NALCN: variants seen among roughly 807,000 people sequenced by gnomAD.
The protein encoded by NALCN is sodium leak channel, non-selective, also known as sodium leak channel NALCN.
A neutral mutation model predicts 225.3 loss-of-function variants in NALCN; 111 were observed. That is an observed-to-expected ratio of 0.49 (90% CI 0.42 to 0.58). The LOEUF (loss-of-function observed/expected upper bound fraction) is 0.58, where lower values mean the gene tolerates loss of function less well. Among genes scored for constraint, NALCN ranks in the 20% least tolerant of loss-of-function variants. The probability of loss-of-function intolerance (pLI) is 0.00; values close to 1 mark genes in which losing one functional copy is unlikely to be tolerated. For missense variants in NALCN, 1,378 were observed against 2,202.4 expected (o/e 0.63, Z 7.49); for synonymous variants, 764 against 769.0 (o/e 0.99, Z 0.11).
At chr13:101,395,818 G>T (rs1365697323) in intron 2 of NALCN, among the ~76,000 whole-genome samples, 1 of 151,980 alleles carries the variant, frequency 6.6e-6, no homozygotes, top group African/African-American at 2.4e-5. Flanking sequence ...AGAATTAGGG[G>T]CATACTATAT....
At chr13:101,187,187 G>A (rs1321241643) in intron 14 of NALCN, among the ~76,000 whole-genome samples, 1 of 152,040 alleles carries the variant, frequency 6.6e-6, no homozygotes, top group African/African-American at 2.4e-5. Context: ...TTTTATTACA[G>A]TATATTGTCA....
intron 10 of NALCN, among the ~76,000 whole-genome samples, chr13:101,272,641 T>A (rs375637618): frequency 9.9e-5 from 15 of 152,124 alleles, no homozygotes; most frequent in Admixed American, 7.9e-4. Context: ...TGAAGAAGGA[T>A]CAGATTGAAT....
chr13:101,252,868 T>C (rs191505770), intron 11 of NALCN, among the ~76,000 whole-genome samples: 90 of 150,644 alleles, frequency 6.0e-4, no homozygotes, highest in Non-Finnish European at 9.8e-4. Flanking sequence ...CATCTGTTTG[T>C]GAGTTTCTCA....
chr13:101,055,419 G>A lies in NALCN; in HGVS notation c.5093C>T (p.Ser1698Phe), dbSNP rs1305567032. 3.7e-6 allele frequency: 6 copies of A among 1,614,052 alleles called. No individual in the cohort carries two copies. In the East Asian group the frequency reaches 1.1e-4, roughly 30 times the overall value. ...LRFGGRTTMK[S>F]VVCKMNPMTD... ...CATGGGGTTCATTTTGCACACGACAGATTTCATGGTTGTCCTTCCTCCAAA... is the reference window on the plus strand; with the variant it reads ...CATGGGGTTCATTTTGCACACGACAAATTTCATGGTTGTCCTTCCTCCAAA... Residue 1698 changes from serine (S) to phenylalanine (F), a missense_variant, in exon 44 of 44, where the codon TCT becomes TTT. Physicochemically the swap from Ser to Phe is radical, Grantham distance 155. Transcript: ENST00000251127.
intron 13 of NALCN, among the ~76,000 whole-genome samples, chr13:101,208,818 A>G (rs919898009): frequency 2.6e-5 from 4 of 151,866 alleles, no homozygotes; most frequent in African/African-American, 9.7e-5. Flanking sequence ...CTCCCCTTTC[A>G]CCTTCTGCCA....
At chr13:101,172,661 G>T (rs575932177) in intron 15 of NALCN, among the ~76,000 whole-genome samples, 4 of 152,162 alleles carry the variant, frequency 2.6e-5, no homozygotes, top group African/African-American at 9.7e-5. Flanking sequence ...CCGGGTTTAC[G>T]CCATTCTCCT....
intron 3 of NALCN, among the ~76,000 whole-genome samples, chr13:101,380,750 TA>T: frequency 6.6e-6 from 1 of 152,258 alleles, no homozygotes; most frequent in Admixed American, 6.5e-5. Context: ...AACACTATGA[TA>T]AAACACTTAA....
At chr13:101,244,278 C>T (rs1318780344) in intron 11 of NALCN, among the ~76,000 whole-genome samples, 1 of 152,012 alleles carries the variant, frequency 6.6e-6, no homozygotes, top group Non-Finnish European at 1.5e-5. Context: ...TGTATACATA[C>T]AATTAATCAC....
intron 13 of NALCN, among the ~76,000 whole-genome samples, chr13:101,225,114 TA>T (rs1325689048): frequency 6.6e-6 from 1 of 152,154 alleles, no homozygotes; most frequent in Non-Finnish European, 1.5e-5. Flanking sequence ...ATTAAATGTG[TA>T]AAAAATAACT....
intron 28 of NALCN, among the ~76,000 whole-genome samples, chr13:101,091,628 T>G (rs773008714): frequency 6.6e-6 from 1 of 152,198 alleles, no homozygotes; most frequent in Non-Finnish European, 1.5e-5. Flanking sequence ...CAATCTTTCC[T>G]TTGGGATGTT....
At chr13:101,332,823 G>A (rs1022745139) in intron 7 of NALCN, among the ~76,000 whole-genome samples, 2 of 151,574 alleles carry the variant, frequency 1.3e-5, no homozygotes, top group African/African-American at 4.9e-5. Flanking sequence ...GAGTGCTCAC[G>A]CTTCACTTTA....
In NALCN at chr13:101,061,933, CG is replaced by C. The variant is rs990743601; in HGVS notation, c.4755+34del. Reference sequence around the variant, plus strand: ...TCCTGCGGGGCAGGGCGGGGCGGGGCGGGGACCCAACCTGCATGTGTGCAGT... The same window carrying C: ...TCCTGCGGGGCAGGGCGGGGCGGGGCGGGACCCAACCTGCATGTGTGCAGT... On this transcript the variant is annotated intron_variant, in intron 41 of 43. Transcript: ENST00000251127. 7 of 1,519,710 alleles carry C rather than the reference CG, an allele frequency of 4.6e-6. No homozygotes were observed. The African/African-American group carries it at 9.8e-5, about 21-fold the overall frequency. 94.1% of individuals were successfully genotyped at this position (1,519,710 alleles called of 1,614,324 possible). A position where few individuals can be genotyped will look rare whatever the true frequency, so the allele number is the denominator to read the frequency against.
intron 7 of NALCN, among the ~76,000 whole-genome samples, chr13:101,312,918 C>G (rs1594656153): frequency 6.6e-6 from 1 of 152,290 alleles, no homozygotes. Context: ...ATCAAGCTAC[C>G]TGACTTCAAA....
At chr13:101,102,303 T>G (rs528210559) in intron 26 of NALCN, among the ~76,000 whole-genome samples, 1 of 151,634 alleles carries the variant, frequency 6.6e-6, no homozygotes, top group Admixed American at 6.6e-5. Flanking sequence ...AAAAAAAAAG[T>G]CAGTAATGAT....
intron 11 of NALCN, among the ~76,000 whole-genome samples, chr13:101,250,555 T>C (rs921907181): frequency 6.6e-6 from 1 of 151,850 alleles, no homozygotes; most frequent in African/African-American, 2.4e-5. Flanking sequence ...GACAATTGTT[T>C]ATATATGGGG....
intron 7 of NALCN, among the ~76,000 whole-genome samples, chr13:101,343,586 G>T (rs750480992): frequency 6.6e-6 from 1 of 152,202 alleles, no homozygotes; most frequent in Non-Finnish European, 1.5e-5. Context: ...GTGCCCTGGA[G>T]ACTTGAAGAC....
chr13:101,279,257 G>A (rs1429559521), intron 10 of NALCN, among the ~76,000 whole-genome samples: 1 of 152,220 alleles, frequency 6.6e-6, no homozygotes, highest in Non-Finnish European at 1.5e-5. Context: ...AGTTCTGAAG[G>A]ATGAGTGAGA....
intron 10 of NALCN, among the ~76,000 whole-genome samples, chr13:101,276,771 T>C (rs551607144): frequency 5.1e-4 from 77 of 152,286 alleles, no homozygotes; most frequent in African/African-American, 1.8e-3. Flanking sequence ...ATTCATTGAC[T>C]ATCTCCATAA....
At chr13:101,161,430 G>A (rs2038178741) in intron 15 of NALCN, among the ~76,000 whole-genome samples, 1 of 152,144 alleles carries the variant, frequency 6.6e-6, no homozygotes, top group Non-Finnish European at 1.5e-5. Flanking sequence ...CTGAAACCAG[G>A]AATCATCTTT....
Sources: allele counts gnomAD v4.1 joint callset (sites outside exome capture counted in the v4.1 genomes callset), GRCh38; gene constraint gnomAD v4.1.1; transcripts MANE v1.5; gene names NCBI Gene and HGNC (gene_info 2026-07-23, HGNC 2026-07-21).